The following TUSC3 variants were observed in gnomAD, a reference collection of about 807,000 sequenced individuals.
TUSC3 encodes the protein tumor suppressor candidate 3, also known as dolichyl-diphosphooligosaccharide--protein glycosyltransferase subunit TUSC3.
In TUSC3, 45 loss-of-function variants were observed where a neutral mutation model predicts 44.8. The observed-to-expected ratio is 1.00, with a 90% CI of 0.79 to 1.29. The LOEUF (loss-of-function observed/expected upper bound fraction) is 1.29, where lower values mean the gene tolerates loss of function less well. TUSC3 is among the 50% of genes most tolerant of loss of function. The probability of loss-of-function intolerance (pLI) is 0.00; values close to 1 mark genes in which losing one functional copy is unlikely to be tolerated. For synonymous variants in TUSC3, 212 were observed against 152.9 expected (o/e 1.39, Z -2.85); for missense variants, 519 against 437.9 (o/e 1.19, Z -1.65).
chr8:15,810,164 C>A, the TUSC3 span, among the ~76,000 whole-genome samples: 1 of 152,236 alleles, frequency 6.6e-6, no homozygotes, highest in Non-Finnish European at 1.5e-5. Flanking sequence ...ATTCTCAGGT[C>A]CCACTCCAGA....
chr8:15,537,183 A>G (rs1053802793), upstream of TUSC3, among the ~76,000 whole-genome samples: 1 of 152,080 alleles, frequency 6.6e-6, no homozygotes, highest in Non-Finnish European at 1.5e-5. Context: ...TCTGCACAAT[A>G]AAACTTGGTC....
intron 1 of TUSC3, among the ~76,000 whole-genome samples, chr8:15,474,135 G>C (rs987165092): frequency 6.6e-6 from 1 of 152,112 alleles, no homozygotes; most frequent in Non-Finnish European, 1.5e-5. Flanking sequence ...CCATTTATAG[G>C]CTGTCTGCAC....
chr8:15,829,617 A>G, the TUSC3 span, among the ~76,000 whole-genome samples: 1 of 151,938 alleles, frequency 6.6e-6, no homozygotes. Flanking sequence ...TTAATTTTTT[A>G]TTAGTTTATC....
the TUSC3 span, among the ~76,000 whole-genome samples, chr8:15,772,725 T>C: frequency 1.3e-5 from 2 of 152,170 alleles, no homozygotes; most frequent in Non-Finnish European, 2.9e-5. Flanking sequence ...ATTAATTATC[T>C]CTTATGACAG....
chr8:15,487,557 T>G (rs1800749295), intron 2 of TUSC3, among the ~76,000 whole-genome samples: 1 of 152,242 alleles, frequency 6.6e-6, no homozygotes, highest in African/African-American at 2.4e-5. Context: ...GTCTTGTTAC[T>G]GAGATACTAA....
At chr8:15,623,280 C>A (rs1805334237) in intron 2 of TUSC3, 31 bp downstream of exon 2, 5 of 1,542,874 alleles carry the variant, frequency 3.2e-6, no homozygotes, top group Middle Eastern at 2.0e-4. Flanking sequence ...ATATTAAAAA[C>A]TATTATTCTT....
intron 2 of TUSC3, 76 bp from the exon 3 acceptor site, chr8:15,650,621 G>T (rs1806851810): frequency 8.0e-7 from 1 of 1,253,972 alleles, no homozygotes; most frequent in Non-Finnish European, 1.2e-6. Flanking sequence ...TTGTCCTAGG[G>T]TTGTCTGTTT....
chr8:15,445,543 C>T (rs1800085010), intron 1 of TUSC3, among the ~76,000 whole-genome samples: 2 of 152,160 alleles, frequency 1.3e-5, no homozygotes, highest in South Asian at 4.1e-4. Flanking sequence ...TGCCTTCAAG[C>T]ATCTGTTTAA....
At chr8:15,715,158 C>G (rs1484539357) in intron 6 of TUSC3, among the ~76,000 whole-genome samples, 1 of 152,062 alleles carries the variant, frequency 6.6e-6, no homozygotes, top group Non-Finnish European at 1.5e-5. Context: ...CCAAGACCAT[C>G]ATTCAGTGCT....
intron 6 of TUSC3, among the ~76,000 whole-genome samples, chr8:15,687,220 G>A (rs1404975712): frequency 1.3e-5 from 2 of 152,024 alleles, no homozygotes; most frequent in East Asian, 1.9e-4. Flanking sequence ...TAACATATTT[G>A]TTAGGTACTC....
chr8:15,690,084 A>G (rs1469603229), intron 6 of TUSC3, among the ~76,000 whole-genome samples: 1 of 152,152 alleles, frequency 6.6e-6, no homozygotes, highest in African/African-American at 2.4e-5. Context: ...CTCTTTGAGA[A>G]ATCGCCAGAC....
At chr8:15,761,928 G>C (rs1240387927) in intron 10 of TUSC3, among the ~76,000 whole-genome samples, 1 of 151,932 alleles carries the variant, frequency 6.6e-6, no homozygotes, top group Non-Finnish European at 1.5e-5. Context: ...TTATTAGACA[G>C]ATAAATGTGA....
chr8:15,613,275 A>G (rs1361776991), intron 1 of TUSC3, among the ~76,000 whole-genome samples: 1 of 151,576 alleles, frequency 6.6e-6, no homozygotes, highest in Admixed American at 6.6e-5. Flanking sequence ...TTTTCTTGTA[A>G]TACTCAGAAA....
chr8:15,802,207 G>C, the TUSC3 span, among the ~76,000 whole-genome samples: 1 of 152,162 alleles, frequency 6.6e-6, no homozygotes, highest in African/African-American at 2.4e-5. Context: ...GAGTCGTGCT[G>C]TAAGAGTCAC....
rs1486339919 is a variant in TUSC3, at chr8:15,742,565, G to T, written c.863-973G>T. 2.0e-5 allele frequency among the ~76,000 whole-genome samples: 3 copies of T among 152,270 alleles called. No individual in the cohort carries two copies. The East Asian group carries it at 5.8e-4, about 29-fold the overall frequency. On this transcript the variant is annotated intron_variant, in intron 7 of 10. Transcript: ENST00000503731. ...GACCTCCTCCACTTGCTGGTATATT[G>T]CCCAATACTGTCCTTTGAGCTTTTG...
At chr8:15,434,799 GC>G (rs2129117415) in intron 1 of TUSC3, among the ~76,000 whole-genome samples, 1 of 151,786 alleles carries the variant, frequency 6.6e-6, no homozygotes, top group African/African-American at 2.4e-5. Context: ...GGTTTTTTGT[GC>G]TTGCAATAGT....
At chr8:15,472,556 C>G (rs1296769044) in intron 1 of TUSC3, among the ~76,000 whole-genome samples, 1 of 152,058 alleles carries the variant, frequency 6.6e-6, no homozygotes, top group Non-Finnish European at 1.5e-5. Context: ...TGTAAGTATT[C>G]ACCAAATCCA....
chr8:15,627,403 C>G (rs774812365), intron 2 of TUSC3, among the ~76,000 whole-genome samples: 8 of 152,236 alleles, frequency 5.3e-5, no homozygotes, highest in Non-Finnish European at 8.8e-5. Flanking sequence ...TCCTCTTTGT[C>G]TTACTCACCC....
chr8:15,561,290 G>C lies in TUSC3; in HGVS notation c.138+20722G>C, dbSNP rs547078484. 6.7e-5 allele frequency among the ~76,000 whole-genome samples: 10 copies of C among 148,172 alleles called. 1 individual carries two copies. The highest frequency in any genetic ancestry group is 4.5e-4 in the South Asian group (2 of 4,482). ...GTGAGGTGTCAGTGTGCCCCTGCTG[G>C]GGGGTGCCTCCCAGTTCGGCTGCTA... On this transcript the variant is annotated intron_variant, in intron 1 of 10. Coordinates refer to ENST00000503731, the MANE Select transcript of TUSC3 (RefSeq NM_006765.4).
Sources: allele counts gnomAD v4.1 joint callset (sites outside exome capture counted in the v4.1 genomes callset), GRCh38; gene constraint gnomAD v4.1.1; transcripts MANE v1.5; gene names NCBI Gene and HGNC (gene_info 2026-07-23, HGNC 2026-07-21).